The following CWC27 variants were observed in gnomAD, a reference collection of about 807,000 sequenced individuals.
CWC27 encodes the protein spliceosome-associated protein CWC27 homolog.
Under a neutral mutation model 63.6 loss-of-function variants are expected in CWC27, and 47 were observed. The observed-to-expected ratio is 0.74, with a 90% confidence interval of 0.58 to 0.94. The LOEUF is 0.94. Among genes scored for constraint, CWC27 ranks in the 40% least tolerant of loss-of-function variants. CWC27 has a pLI of 0.00. For synonymous variants in CWC27, 175 were observed against 179.8 expected (o/e 0.97, Z 0.22); for missense variants, 495 against 554.3 (o/e 0.89, Z 1.07).
intron 12 of CWC27, among the ~76,000 whole-genome samples, chr5:64,974,633 A>G (rs1749192098): frequency 6.6e-6 from 1 of 152,204 alleles, no homozygotes; most frequent in Admixed American, 6.5e-5. Context: ...ACCATATCAT[A>G]TAGATTAAAT....
At chr5:64,924,988 C>CACAT (rs112565417) in intron 11 of CWC27, among the ~76,000 whole-genome samples, 41 of 150,458 alleles carry the variant, frequency 2.7e-4, no homozygotes, top group African/African-American at 9.0e-4. Context: ...CACACACACA[C>CACAT]GAAAATTCAC....
At chr5:64,780,459 T>C (rs972147781) in intron 2 of CWC27, among the ~76,000 whole-genome samples, 1 of 149,642 alleles carries the variant, frequency 6.7e-6, no homozygotes, top group Non-Finnish European at 1.5e-5. Flanking sequence ...TTCTTTTGGA[T>C]ATATATAGAA....
chr5:64,841,972 G>A (rs1236698355), intron 10 of CWC27, among the ~76,000 whole-genome samples: 5 of 152,018 alleles, frequency 3.3e-5, no homozygotes, highest in Admixed American at 6.6e-5. Flanking sequence ...GAGCCACCAC[G>A]CCCAGCCAAG....
intron 1 of CWC27, among the ~76,000 whole-genome samples, chr5:64,774,345 CT>C (rs1367259687): frequency 6.6e-6 from 1 of 152,144 alleles, no homozygotes; most frequent in East Asian, 1.9e-4. Flanking sequence ...CAGGGTCTGT[CT>C]GTGTTGCCGA....
chr5:64,984,639 G>C (rs189002599), intron 13 of CWC27, among the ~76,000 whole-genome samples: 2 of 152,244 alleles, frequency 1.3e-5, no homozygotes, highest in Non-Finnish European at 2.9e-5. Flanking sequence ...GCCTATTTGG[G>C]AATTGGATTT....
chr5:64,883,522 A>C (rs1746995622), intron 10 of CWC27, among the ~76,000 whole-genome samples: 1 of 152,192 alleles, frequency 6.6e-6, no homozygotes, highest in South Asian at 2.1e-4. Context: ...CAGGAGAAGA[A>C]TTGGAGATTC....
At position 64,774,661 on chromosome 5, in the gene CWC27, A is replaced by G; in HGVS notation, c.43-30A>G. On this transcript the variant is annotated intron_variant, in intron 1 of 13. Coordinates refer to ENST00000381070, the MANE Select transcript of CWC27 (RefSeq NM_005869.4). ...CAACTGATTATTAAGCAAAATAATA[A>G]TTTAATAAAATGTAATATTCTTTCT... 3.0e-6 allele frequency: 4 copies of G among 1,319,314 alleles called. No homozygotes were observed. In the South Asian group the frequency reaches 4.2e-5, roughly 14 times the overall value. 81.7% of individuals were successfully genotyped at this position (1,319,314 alleles called of 1,614,324 possible). A position where few individuals can be genotyped will look rare whatever the true frequency, so the allele number is the denominator to read the frequency against.
At chr5:64,913,771 C>G (rs1458227219) in intron 11 of CWC27, among the ~76,000 whole-genome samples, 1 of 151,872 alleles carries the variant, frequency 6.6e-6, no homozygotes, top group Non-Finnish European at 1.5e-5. Flanking sequence ...AGATATTTCC[C>G]CTAAACTGTT....
intron 10 of CWC27, among the ~76,000 whole-genome samples, chr5:64,867,744 A>G (rs1346045026): frequency 6.6e-6 from 1 of 152,100 alleles, no homozygotes; most frequent in Non-Finnish European, 1.5e-5. Context: ...GTCCACTGAA[A>G]GACATAGCAG....
At chr5:64,931,158 T>C (rs1384876655) in intron 11 of CWC27, among the ~76,000 whole-genome samples, 1 of 152,110 alleles carries the variant, frequency 6.6e-6, no homozygotes, top group Non-Finnish European at 1.5e-5. Flanking sequence ...TTGATATACC[T>C]GAATTTGAAA....
intron 10 of CWC27, among the ~76,000 whole-genome samples, chr5:64,873,333 A>G (rs887988331): frequency 1.3e-5 from 2 of 152,096 alleles, no homozygotes; most frequent in African/African-American, 2.4e-5. Context: ...AAAATACATC[A>G]ATTAAGTAAC....
At chr5:64,861,087 G>A (rs969068536) in intron 10 of CWC27, among the ~76,000 whole-genome samples, 4 of 152,122 alleles carry the variant, frequency 2.6e-5, no homozygotes, top group Non-Finnish European at 2.9e-5. Flanking sequence ...AGGGTCATAT[G>A]TCTCAAGCCT....
At chr5:64,795,539 A>C (rs1320378679) in intron 7 of CWC27, among the ~76,000 whole-genome samples, 1 of 151,970 alleles carries the variant, frequency 6.6e-6, no homozygotes, top group Non-Finnish European at 1.5e-5. Context: ...GCCTTTTTCA[A>C]CCTCTAGAGA....
chr5:64,813,696 A>G (rs1254585057), intron 10 of CWC27, among the ~76,000 whole-genome samples: 1 of 152,138 alleles, frequency 6.6e-6, no homozygotes, highest in African/African-American at 2.4e-5. Context: ...ATTGGTCTCT[A>G]CCCCGGAACA....
At chr5:64,960,160 A>G (rs1748881101) in intron 11 of CWC27, among the ~76,000 whole-genome samples, 1 of 151,130 alleles carries the variant, frequency 6.6e-6, no homozygotes, top group African/African-American at 2.4e-5. Context: ...GGATATACCC[A>G]GTTGGTTACC....
intron 12 of CWC27, among the ~76,000 whole-genome samples, chr5:64,973,620 AT>A (rs986325290): frequency 1.3e-5 from 2 of 152,088 alleles, no homozygotes; most frequent in African/African-American, 2.4e-5. Context: ...TATTTTTGTG[AT>A]TTTTTTCTGC....
intron 11 of CWC27, among the ~76,000 whole-genome samples, chr5:64,954,551 C>G (rs942976696): frequency 2.0e-5 from 3 of 148,860 alleles, no homozygotes; most frequent in Admixed American, 6.7e-5. Context: ...TCCCCAAATT[C>G]TGGGATTACA....
chr5:64,807,696 A>C lies in CWC27; in HGVS notation c.938+3310A>C, dbSNP rs79763581. On this transcript the variant is annotated intron_variant, in intron 10 of 13. Coordinates refer to ENST00000381070, the MANE Select transcript of CWC27 (RefSeq NM_005869.4). Reference sequence around the variant, plus strand: ...GTATTATTATGGATTTCTAGATTCCAGCCTCAGCTGTGTCTCCAGTGCTTC... The same window carrying C: ...GTATTATTATGGATTTCTAGATTCCCGCCTCAGCTGTGTCTCCAGTGCTTC... 9,570 of 1,535,944 alleles carry C rather than the reference A, an allele frequency of 6.2e-3. 75 individuals carry two copies. Among genetic ancestry groups the C allele is most frequent in the African/African-American group, 0.039 (2,830 of 73,164 alleles).
intron 10 of CWC27, among the ~76,000 whole-genome samples, chr5:64,809,688 T>A (rs1395125584): frequency 6.6e-6 from 1 of 152,240 alleles, no homozygotes; most frequent in Non-Finnish European, 1.5e-5. Context: ...TCTTCTAGTC[T>A]AAGCAAACTT....
Sources: gnomAD v4.1 joint callset for allele counts (sites outside exome capture counted in the v4.1 genomes callset) on GRCh38, gnomAD v4.1.1 for gene constraint, MANE v1.5 for transcripts, NCBI Gene and HGNC (gene_info 2026-07-23, HGNC 2026-07-21) for gene names.